The following SCAMP4 variants were observed in gnomAD, a reference collection of about 807,000 sequenced individuals.
The protein encoded by SCAMP4 is secretory carrier-associated membrane protein 4.
In SCAMP4, 19 loss-of-function variants were observed where a neutral mutation model predicts 32.1. The observed-to-expected ratio is 0.59, with a 90% CI of 0.41 to 0.87. SCAMP4 has a LOEUF of 0.87. SCAMP4 is among the 40% of genes least tolerant of loss of function. The probability of loss-of-function intolerance (pLI) is 0.00; values close to 1 mark genes in which losing one functional copy is unlikely to be tolerated. For synonymous variants in SCAMP4, 152 were observed against 132.7 expected, an observed-to-expected ratio of 1.15 and a Z score of -1.00; for missense variants, 302 against 309.0, an observed-to-expected ratio of 0.98 and a Z score of 0.17.
At chr19:1,919,869 A>T (rs1313024445) in intron 5 of SCAMP4, among the ~76,000 whole-genome samples, 1 of 147,204 alleles carries the variant, frequency 6.8e-6, no homozygotes, top group Non-Finnish European at 1.5e-5. Context: ...GGGTGCAGTG[A>T]CATGATCTTG....
intron 4 of SCAMP4, chr19:1,918,656 G>T (rs768612117): frequency 3.4e-5 from 21 of 619,460 alleles, no homozygotes; most frequent in Middle Eastern, 4.6e-4. Flanking sequence ...CAGCTACTCA[G>T]GAGGCTGAGG....
chr19:1,920,478 T>A (rs2013883973), intron 5 of SCAMP4, among the ~76,000 whole-genome samples: 1 of 152,192 alleles, frequency 6.6e-6, no homozygotes, highest in Non-Finnish European at 1.5e-5. Flanking sequence ...CCAGGGTGGC[T>A]GGGATCTGTG....
chr19:1,912,575 G>T, intron 1 of SCAMP4: 1 of 1,497,116 alleles, frequency 6.7e-7, no homozygotes, highest in Non-Finnish European at 8.8e-7. Flanking sequence ...CCAGCGCCCT[G>T]GCTGGGCGGC....
chr19:1,917,932 C>T (rs1478240057), intron 3 of SCAMP4, 110 bp downstream of exon 3: 36 of 1,446,940 alleles, frequency 2.5e-5, no homozygotes, highest in Admixed American at 3.7e-5. Flanking sequence ...CTACTGAAGC[C>T]GTCCTGGGCC....
chr19:1,920,412 G>C lies in SCAMP4; in HGVS notation c.395+1422G>C, dbSNP rs1194951452. 1.0e-5 allele frequency: 7 copies of C among 700,136 alleles called. No homozygotes were observed. In the East Asian group the frequency reaches 5.3e-4, roughly 53 times the overall value. The allele number at this position is 700,136 out of a possible 1,614,324, so 43.4% of individuals were successfully genotyped here. A position where few individuals can be genotyped will look rare whatever the true frequency, so the allele number is the denominator to read the frequency against. On this transcript the variant is annotated intron_variant, in intron 5 of 6. Coordinates refer to ENST00000316097, the MANE Select transcript of SCAMP4 (RefSeq NM_079834.4). ...GGGATGGTGACTCCTCTCCCTTCAG[G>C]GCCCCTCGATCTGCAGGCCTCTCCC... is the stretch of plus-strand genomic sequence containing the variant.
intron 1 of SCAMP4, 54 bp downstream of exon 1, chr19:1,905,493 G>C (rs540046498): frequency 4.4e-5 from 19 of 434,982 alleles, no homozygotes; most frequent in South Asian, 9.8e-5. Flanking sequence ...TTCCCCAGAG[G>C]GGGAGTAGGG....
At chr19:1,920,861 C>T (rs562721038) in intron 5 of SCAMP4, 4 of 985,480 alleles carry the variant, frequency 4.1e-6, no homozygotes, top group East Asian at 1.1e-4. Context: ...GGTGAGTGCC[C>T]ACATGTGACC....
chr19:1,912,600 G>A, intron 1 of SCAMP4: 1 of 1,488,354 alleles, frequency 6.7e-7, no homozygotes, highest in Non-Finnish European at 8.9e-7. Context: ...CTCCACGCAG[G>A]AGCGCGCCGC....
chr19:1,912,671 G>A, intron 1 of SCAMP4: 2 of 1,438,324 alleles, frequency 1.4e-6, no homozygotes, highest in Non-Finnish European at 1.8e-6. Flanking sequence ...CGCGGGGCTT[G>A]CGGGCCGTGG....
At chr19:1,911,969 G>A (rs898856170) in intron 1 of SCAMP4, 1 of 1,403,664 alleles carries the variant, frequency 7.1e-7, no homozygotes, top group Non-Finnish European at 9.2e-7. Context: ...AGCTTTGGTG[G>A]CAGCACGCCC....
At chr19:1,918,085 C>G in intron 3 of SCAMP4, 42 bp from the exon 4 acceptor site, 2 of 1,578,260 alleles carry the variant, frequency 1.3e-6, no homozygotes, top group South Asian at 1.2e-5. Context: ...CACGGCCACA[C>G]CCTCCCGTGC....
chr19:1,911,768 G>A (rs539970683), intron 1 of SCAMP4: 12 of 317,874 alleles, frequency 3.8e-5, no homozygotes, highest in Non-Finnish European at 5.7e-5. Flanking sequence ...GGGCGACAGC[G>A]AGACTCCGTC....
At chr19:1,907,831 C>T (rs1250282923) in intron 1 of SCAMP4, among the ~76,000 whole-genome samples, 3 of 152,134 alleles carry the variant, frequency 2.0e-5, no homozygotes, top group Non-Finnish European at 4.4e-5. Context: ...GGGGCAGTCG[C>T]TGTGGGAGTG....
chr19:1,912,441 G>T, intron 1 of SCAMP4: 1 of 1,508,624 alleles, frequency 6.6e-7, no homozygotes, highest in South Asian at 1.2e-5. Flanking sequence ...GCCGGCTGTG[G>T]ACCCCCGCGG....
At chr19:1,907,973 C>G (rs1292894137) in intron 1 of SCAMP4, 2 of 154,580 alleles carry the variant, frequency 1.3e-5, no homozygotes, top group African/African-American at 2.4e-5. Flanking sequence ...AAGGGCGCGG[C>G]GGGCCCAGCC....
At position 1,923,996 on chromosome 19, in the gene SCAMP4, ACAG is replaced by A. The variant is rs2014013277; in HGVS notation, c.514-111_514-109del. The A allele has an allele frequency of 1.2e-4, 35 of 299,844 alleles. 13 individuals carry two copies. Among genetic ancestry groups the A allele is most frequent in the Non-Finnish European group, 1.8e-4 (28 of 151,576 alleles). 18.6% of individuals were successfully genotyped at this position (299,844 alleles called of 1,614,324 possible). A position where few individuals can be genotyped will look rare whatever the true frequency, so the allele number is the denominator to read the frequency against. Reference sequence around the variant, plus strand: ...ACTGGTCTCGAACTCCAGAGCTCAGACAGTCTGTCTGCCTCGGCCTCCCGAAGT... The same window carrying A: ...ACTGGTCTCGAACTCCAGAGCTCAGATCTGTCTGCCTCGGCCTCCCGAAGT... On this transcript the variant is annotated intron_variant, in intron 6 of 6. Transcript: ENST00000316097.
At position 1,915,017 on chromosome 19, in the gene SCAMP4, G is replaced by C. The variant is rs769155731; in HGVS notation, c.-3G>C. On this transcript the variant is annotated 5_prime_UTR_variant, in exon 2 of 7. Coordinates refer to ENST00000316097, the MANE Select transcript of SCAMP4 (RefSeq NM_079834.4). ...TCAGCCTGCGCTGGTTGGTGAAACA[G>C]AGATGTCAGGTGAGTCCTGCCTGCC... The C allele has an allele frequency of 1.9e-6, 3 of 1,613,912 alleles. No homozygotes were observed. Among genetic ancestry groups the C allele is most frequent in the Non-Finnish European group, 2.5e-6 (3 of 1,179,846 alleles).
intron 1 of SCAMP4, chr19:1,912,109 C>T (rs538664300): frequency 5.1e-4 from 774 of 1,521,050 alleles, no homozygotes; most frequent in Non-Finnish European, 6.4e-4. Context: ...GAGCCCGCCC[C>T]GGGCCTCGTG....
At chr19:1,922,525 G>A (rs937915292) in intron 5 of SCAMP4, 46 of 985,222 alleles carry the variant, frequency 4.7e-5, no homozygotes, top group East Asian at 2.3e-4. Flanking sequence ...GTAAGCCTCT[G>A]CGCCCGGCCT....
Sources: allele counts gnomAD v4.1 joint callset (sites outside exome capture counted in the v4.1 genomes callset), GRCh38; gene constraint gnomAD v4.1.1; transcripts MANE v1.5; gene names NCBI Gene and HGNC (gene_info 2026-07-23, HGNC 2026-07-21).